Variants in CCDC30 observed in about 807,000 individuals in gnomAD.
CCDC30 encodes the protein coiled-coil domain containing 30, also known as coiled-coil domain-containing protein 30.
CCDC30 carries 70 observed loss-of-function variants against 100.2 expected under a neutral mutation model. The observed-to-expected ratio is 0.70, with a 90% CI of 0.58 to 0.85. CCDC30 has a LOEUF of 0.85. Ranked by LOEUF, CCDC30 falls within the 40% of genes least tolerant of loss-of-function variation. CCDC30 has a pLI of 0.00. For synonymous variants in CCDC30, 233 were observed against 269.5 expected, an observed-to-expected ratio of 0.86 and a Z score of 1.33; for missense variants, 652 against 771.2, an observed-to-expected ratio of 0.85 and a Z score of 1.83.
intron 3 of CCDC30, among the ~76,000 whole-genome samples, chr1:42,486,744 G>C (rs1569773041): frequency 6.6e-6 from 1 of 152,070 alleles, no homozygotes; most frequent in East Asian, 1.9e-4. Flanking sequence ...AACATATGTT[G>C]AGACTTGTGA....
In CCDC30 at chr1:42,596,741, AC is replaced by A. The variant is rs1646296099; in HGVS notation, c.1164+7259del. 1.1e-5 allele frequency among the ~76,000 whole-genome samples: 1 copy of A among 89,984 alleles called. No individual in the cohort carries two copies. Among genetic ancestry groups the A allele is most frequent in the Non-Finnish European group, 2.6e-5 (1 of 39,090 alleles). The allele number at this position is 89,984 out of a possible 152,430, so 59.0% of individuals were successfully genotyped here. A position where few individuals can be genotyped will look rare whatever the true frequency, so the allele number is the denominator to read the frequency against. ...ACAAGACACGCTAAAAGGCAAAAAA[AC>A]AAACAAACAAACAAACAAAAACAGT... On this transcript the variant is annotated intron_variant, in intron 10 of 16. Transcript: ENST00000668663. This position sits in a 1 kb window ranked among gnomAD's most constrained non-coding sequence, Gnocchi z 4.3.
intron 6 of CCDC30, among the ~76,000 whole-genome samples, chr1:42,531,301 C>T (rs191983166): frequency 6.6e-6 from 1 of 152,252 alleles, no homozygotes; most frequent in African/African-American, 2.4e-5. Context: ...TCCTGTAGAG[C>T]CTGAGGAACT....
At chr1:42,645,551 C>T (rs934430413) in intron 14 of CCDC30, among the ~76,000 whole-genome samples, 2 of 152,242 alleles carry the variant, frequency 1.3e-5, no homozygotes, top group African/African-American at 4.8e-5. Context: ...TTTATATCAC[C>T]TACTAGATGT....
At chr1:42,620,035 G>A (rs916484082) in intron 11 of CCDC30, among the ~76,000 whole-genome samples, 1 of 152,188 alleles carries the variant, frequency 6.6e-6, no homozygotes, top group African/African-American at 2.4e-5. Context: ...TGTACAAAAT[G>A]AAGTATATCT....
At chr1:42,653,469 T>C (rs2148702383) in intron 16 of CCDC30, 26 bp downstream of exon 20, 2 of 1,431,452 alleles carry the variant, frequency 1.4e-6, no homozygotes, top group Non-Finnish European at 2.0e-6. Context: ...ACAAATAAAG[T>C]CAAGTCTATC....
intron 10 of CCDC30, among the ~76,000 whole-genome samples, chr1:42,598,170 T>G (rs1414719182): frequency 1.3e-5 from 2 of 151,586 alleles, no homozygotes; most frequent in African/African-American, 2.4e-5. Context: ...TAGTAAAGTA[T>G]TAAGAGAAAA....
At chr1:42,542,987 A>G (rs1464251117) in intron 6 of CCDC30, among the ~76,000 whole-genome samples, 2 of 152,178 alleles carry the variant, frequency 1.3e-5, no homozygotes, top group Admixed American at 6.5e-5. Context: ...ATTAAGTAGC[A>G]TTTTGGAATA....
intron 11 of CCDC30, among the ~76,000 whole-genome samples, chr1:42,624,293 C>A (rs914858956): frequency 6.6e-6 from 1 of 152,152 alleles, no homozygotes; most frequent in African/African-American, 2.4e-5. Context: ...GCTTTTCCAG[C>A]ATCAGTTGAA....
rs150684127 is a variant in CCDC30 at position 42,581,735 on chromosome 1, G to A, written c.1001+221G>A. ...GGCGCTAGAGTGTGAGATTTTTAAA[G>A]GCAGAGATTATTTCTTCTGGTTCTG... On this transcript the variant is annotated intron_variant, in intron 9 of 16. Transcript: ENST00000668663. Among the ~76,000 whole-genome samples the A allele has an allele frequency of 9.9e-5, 15 of 152,202 alleles. No homozygotes were observed. In the East Asian group the frequency reaches 2.7e-3, roughly 27 times the overall value.
At chr1:42,637,482 C>A in intron 12 of CCDC30, 104 bp downstream of exon 16, 1 of 1,061,618 alleles carries the variant, frequency 9.4e-7, no homozygotes, top group Non-Finnish European at 1.4e-6. Flanking sequence ...CCTTCATAGT[C>A]CTCGTTTTCA....
chr1:42,534,347 G>A (rs1319716627), intron 6 of CCDC30, among the ~76,000 whole-genome samples: 1 of 152,162 alleles, frequency 6.6e-6, no homozygotes, highest in Non-Finnish European at 1.5e-5. Flanking sequence ...CATGTCATGT[G>A]TGAATCTGAA....
At chr1:42,456,562 G>T in the CCDC30 span, 3 of 1,470,902 alleles carry the variant, frequency 2.0e-6, no homozygotes, top group East Asian at 7.4e-5. Flanking sequence ...CCGCTGCGCT[G>T]CAGATGGCGG....
At chr1:42,465,640 C>A (rs576528932) in intron 1 of CCDC30, among the ~76,000 whole-genome samples, 4 of 152,308 alleles carry the variant, frequency 2.6e-5, no homozygotes, top group African/African-American at 7.2e-5. Flanking sequence ...GCTGGGATTA[C>A]AAGTGTGAGC....
intron 6 of CCDC30, among the ~76,000 whole-genome samples, chr1:42,505,856 C>G (rs1280267195): frequency 1.3e-5 from 2 of 152,208 alleles, no homozygotes; most frequent in Admixed American, 1.3e-4. Flanking sequence ...TGAGGCTAGT[C>G]TTCCCCAAAG....
chr1:42,588,588 A>T (rs1359292), intron 9 of CCDC30, among the ~76,000 whole-genome samples: 9,086 of 152,216 alleles, frequency 0.06, 409 homozygotes, highest in East Asian at 0.12. Context: ...AATTTGAATG[A>T]GTTTAAGAGA....
chr1:42,473,073 TTGTGTG>T, intron 1 of CCDC30: 1 of 1,171,592 alleles, frequency 8.5e-7, no homozygotes, highest in East Asian at 3.3e-5. Flanking sequence ...GCATCCTCAG[TTGTGTG>T]TGTGTGTGTG....
chr1:42,628,641 G>A (rs1468449490), intron 11 of CCDC30, among the ~76,000 whole-genome samples: 1 of 152,148 alleles, frequency 6.6e-6, no homozygotes, highest in African/African-American at 2.4e-5. Context: ...AGTCTCATGA[G>A]ATCTGATGGG....
At chr1:42,516,816 G>A (rs1171719236) in intron 6 of CCDC30, among the ~76,000 whole-genome samples, 1 of 152,018 alleles carries the variant, frequency 6.6e-6, no homozygotes, top group African/African-American at 2.4e-5. Flanking sequence ...ATACAAAATG[G>A]ACTAAGGTAG....
At chr1:42,518,979 T>C (rs1172788737) in intron 6 of CCDC30, among the ~76,000 whole-genome samples, 1 of 152,232 alleles carries the variant, frequency 6.6e-6, no homozygotes, top group Non-Finnish European at 1.5e-5. Flanking sequence ...TTAAGTGTTT[T>C]TATCATGAAA....
Sources: allele counts gnomAD v4.1 joint callset (sites outside exome capture counted in the v4.1 genomes callset), GRCh38; gene constraint gnomAD v4.1.1; non-coding constraint Gnocchi (gnomAD v3.1); transcripts MANE v1.5; gene names NCBI Gene and HGNC (gene_info 2026-07-23, HGNC 2026-07-21).